CELF1: variants seen among roughly 807,000 people sequenced by gnomAD.
CELF1 encodes 50 kDa nuclear polyadenylated RNA-binding protein.
A neutral mutation model predicts 61.8 loss-of-function variants in CELF1; 10 were observed. That is an observed-to-expected ratio of 0.16 (90% CI 0.10 to 0.27). The LOEUF is 0.27. CELF1 is among the 10% of genes least tolerant of loss of function. The pLI is 1.00. For synonymous variants in CELF1, 236 were observed against 225.1 expected (o/e 1.05, Z -0.43); for missense variants, 380 against 639.1 (o/e 0.59, Z 4.37).
chr11:47,503,367 T>A (rs1023030137), intron 1 of CELF1, among the ~76,000 whole-genome samples: 1 of 152,096 alleles, frequency 6.6e-6, no homozygotes, highest in South Asian at 2.1e-4. Flanking sequence ...TTGATAGATA[T>A]AACCAGGGAG....
chr11:47,481,102 C>CTTTTT (rs1187959061), intron 9 of CELF1, among the ~76,000 whole-genome samples: 914 of 71,470 alleles, frequency 0.013, 29 homozygotes, highest in Middle Eastern at 0.023. Flanking sequence ...TTTTCTTCTT[C>CTTTTT]TTTTTTTTTT....
intron 10 of CELF1, 169 bp from the exon 11 acceptor site, chr11:47,477,594 C>T: frequency 1.7e-6 from 1 of 580,320 alleles, no homozygotes; most frequent in Non-Finnish European, 3.0e-6. Context: ...ATGTATCACT[C>T]ATTAAGAAAC....
intron 7 of CELF1, 113 bp from the exon 8 acceptor site, chr11:47,483,645 T>C: frequency 1.3e-6 from 1 of 754,472 alleles, no homozygotes; most frequent in Non-Finnish European, 2.3e-6. Context: ...CAGTCCCTGT[T>C]TTCAGGGAAT....
Position 47,477,732 on chromosome 11 carries a change from G to A in CELF1, c.845-307C>T, listed in dbSNP as rs879315899. On this transcript the variant is annotated intron_variant, in intron 10 of 14. Coordinates refer to ENST00000687097, the MANE Select transcript of CELF1 (RefSeq NM_001376376.1). ...CTACCATAGGGCCAGGAGCACAGGAGAACAATGCCAAAACCTACAGCACAG... is the reference window on the plus strand; with the variant it reads ...CTACCATAGGGCCAGGAGCACAGGAAAACAATGCCAAAACCTACAGCACAG... The A allele has an allele frequency of 2.6e-5, 7 of 273,108 alleles. No homozygotes were observed. In the East Asian group the frequency reaches 4.7e-4, roughly 18 times the overall value. 16.9% of individuals were successfully genotyped at this position (273,108 alleles called of 1,614,324 possible). A position where few individuals can be genotyped will look rare whatever the true frequency, so the allele number is the denominator to read the frequency against.
chr11:47,479,029 G>T, intron 9 of CELF1, 77 bp from the exon 10 acceptor site: 1 of 1,237,360 alleles, frequency 8.1e-7, no homozygotes, highest in Non-Finnish European at 1.2e-6. Context: ...CTACAGCACA[G>T]CAAAGCGAGA....
intron 1 of CELF1, among the ~76,000 whole-genome samples, chr11:47,550,175 A>G (rs1276730672): frequency 6.6e-6 from 1 of 152,080 alleles, no homozygotes; most frequent in Non-Finnish European, 1.5e-5. Flanking sequence ...TCACATCTGT[A>G]ATCCGAAGTT....
chr11:47,509,301 A>G (rs549984983), intron 1 of CELF1, among the ~76,000 whole-genome samples: 1 of 152,264 alleles, frequency 6.6e-6, no homozygotes, highest in African/African-American at 2.4e-5. Flanking sequence ...TTGGAACTCC[A>G]CGGATGTCTG....
chr11:47,523,001 T>C (rs773122835), intron 1 of CELF1, among the ~76,000 whole-genome samples: 1 of 152,086 alleles, frequency 6.6e-6, no homozygotes, highest in South Asian at 2.1e-4. Context: ...CTGGGCCTGT[T>C]AGAGTCCAGT....
rs528257845 is a variant in CELF1, at chr11:47,535,755, A to G, written c.-154+17237T>C. Reference sequence around the variant, plus strand: ...TAAGCTTTCCTGTAGCATGCCCACAAGTTTTTTTGTTTTTGTTTTTTTCTT... The same window carrying G: ...TAAGCTTTCCTGTAGCATGCCCACAGGTTTTTTTGTTTTTGTTTTTTTCTT... On this transcript the variant is annotated intron_variant, in intron 1 of 14. Transcript: ENST00000687097. 2.6e-5 allele frequency among the ~76,000 whole-genome samples: 4 copies of G among 151,188 alleles called. No homozygotes were observed. In the South Asian group the frequency reaches 8.4e-4, roughly 32 times the overall value.
At chr11:47,532,708 AAAG>A (rs1455097647) in intron 1 of CELF1, among the ~76,000 whole-genome samples, 1 of 152,236 alleles carries the variant, frequency 6.6e-6, no homozygotes, top group African/African-American at 2.4e-5. Context: ...TGATAGGATT[AAAG>A]AAGAAAAAAA....
chr11:47,485,898 A>C (rs1158567092), intron 6 of CELF1, among the ~76,000 whole-genome samples: 1 of 144,296 alleles, frequency 6.9e-6, no homozygotes, highest in Non-Finnish European at 1.5e-5. Flanking sequence ...GTGGTGGCTC[A>C]CGCCTGTAAT....
chr11:47,477,276 C>A (rs774566146), intron 11 of CELF1, 21 bp downstream of exon 11: 2 of 1,613,702 alleles, frequency 1.2e-6, no homozygotes, highest in Non-Finnish European at 1.7e-6. Flanking sequence ...TAATGGCACA[C>A]TGGGTCATCC....
At chr11:47,565,506 G>T (rs2097242108), upstream of CELF1, 1 of 925,540 alleles carries the variant, frequency 1.1e-6, no homozygotes, top group African/African-American at 1.7e-5. Context: ...GTCACCCGGT[G>T]CGAGCCCGCG....
intron 1 of CELF1, among the ~76,000 whole-genome samples, chr11:47,536,829 C>T (rs1040605360): frequency 2.6e-5 from 4 of 151,992 alleles, no homozygotes; most frequent in African/African-American, 9.7e-5. Flanking sequence ...AAATAGCACG[C>T]AATAAAAACA....
intron 1 of CELF1, among the ~76,000 whole-genome samples, chr11:47,539,223 A>C (rs970248188): frequency 6.6e-5 from 10 of 152,056 alleles, no homozygotes; most frequent in Non-Finnish European, 1.0e-4. Context: ...ATTATAAAAA[A>C]CTTGTTAAAA....
chr11:47,524,326 C>G (rs1013462780), intron 1 of CELF1, among the ~76,000 whole-genome samples: 1 of 152,112 alleles, frequency 6.6e-6, no homozygotes, highest in Non-Finnish European at 1.5e-5. Flanking sequence ...ACTACCACTT[C>G]AACAAGGTAT....
chr11:47,489,935 G>GGTTTTTTTTTTTTTTTTTTT, intron 3 of CELF1, among the ~76,000 whole-genome samples: 1 of 48,236 alleles, frequency 2.1e-5, no homozygotes, highest in East Asian at 6.0e-4. Flanking sequence ...ATACCATCTT[G>GGTTTTTTTTTTTTTTTTTTT]TTTTTTTTTT....
chr11:47,502,783 G>C (rs11604603), intron 1 of CELF1, among the ~76,000 whole-genome samples: 342 of 152,274 alleles, frequency 2.2e-3, no homozygotes, highest in Non-Finnish European at 3.6e-3. Context: ...AGTGAGCTGA[G>C]ATTGCGCCAC....
intron 1 of CELF1, among the ~76,000 whole-genome samples, chr11:47,530,780 C>A (rs1189634483): frequency 6.6e-6 from 1 of 151,924 alleles, no homozygotes; most frequent in Non-Finnish European, 1.5e-5. Flanking sequence ...CACAGGGGGA[C>A]CCTGTCTCTA....
Sources: gnomAD v4.1 joint callset for allele counts (sites outside exome capture counted in the v4.1 genomes callset) on GRCh38, gnomAD v4.1.1 for gene constraint, MANE v1.5 for transcripts, NCBI Gene and HGNC (gene_info 2026-07-23, HGNC 2026-07-21) for gene names.